Variants in SGCG observed in about 807,000 individuals in gnomAD.
The protein encoded by SGCG is sarcoglycan gamma, also known as gamma-sarcoglycan.
In SGCG, 26 loss-of-function variants were observed where a neutral mutation model predicts 29.3. The ratio of observed to expected loss-of-function variants is 0.89; its 90% CI spans 0.65 to 1.23. The LOEUF (loss-of-function observed/expected upper bound fraction) is 1.23. Among genes scored for constraint, SGCG ranks in the 50% most tolerant of loss-of-function variants. SGCG has a pLI of 0.00. For synonymous variants in SGCG, 145 were observed against 129.7 expected (o/e 1.12, Z -0.80); for missense variants, 353 against 356.0 (o/e 0.99, Z 0.07).
intron 6 of SGCG, among the ~76,000 whole-genome samples, chr13:23,319,713 C>A (rs1232536036): frequency 6.6e-6 from 1 of 152,138 alleles, no homozygotes; most frequent in Non-Finnish European, 1.5e-5. Context: ...AATTAGGTAT[C>A]TTTTTCTGTT....
Position 23,203,793 on chromosome 13 carries a change from G to T in SGCG, c.99G>T (p.Lys33Asn). 1 of 1,613,872 alleles carries T rather than the reference G, an allele frequency of 6.2e-7. No homozygotes were observed. Among genetic ancestry groups the T allele is most frequent in the Non-Finnish European group, 8.5e-7 (1 of 1,179,738 alleles). The change falls in exon 2 of 8, where the codon AAG becomes AAT. Residue 33 changes from lysine to asparagine, a missense_variant. By Grantham distance (94) the Lys-to-Asn change is moderately conservative. Transcript: ENST00000218867. ...AAATTGGCATTTATGGCTGGAGAAAGCGCTGTCTCTACTTGTTTGTTCTTC... is the reference window on the plus strand; with the variant it reads ...AAATTGGCATTTATGGCTGGAGAAATCGCTGTCTCTACTTGTTTGTTCTTC... ...VYKIGIYGWR[K>N]RCLYLFVLLL...
intron 6 of SGCG, among the ~76,000 whole-genome samples, chr13:23,303,613 C>T (rs536725557): frequency 6.6e-6 from 1 of 152,146 alleles, no homozygotes; most frequent in Non-Finnish European, 1.5e-5. Context: ...GAAAGAGCTC[C>T]GGAAATCACA....
chr13:23,271,350 C>CA (rs1344372689), intron 4 of SGCG, among the ~76,000 whole-genome samples: 1 of 152,084 alleles, frequency 6.6e-6, no homozygotes, highest in Non-Finnish European at 1.5e-5. Context: ...CCCTGGGCCA[C>CA]ACTGGAAGAA....
intron 2 of SGCG, among the ~76,000 whole-genome samples, chr13:23,226,262 A>G (rs1878891828): frequency 6.6e-6 from 1 of 152,258 alleles, no homozygotes; most frequent in Non-Finnish European, 1.5e-5. Flanking sequence ...CAGTTTGCAA[A>G]TAAAAGAAAA....
At chr13:23,200,877 G>A (rs971477095) in intron 1 of SGCG, among the ~76,000 whole-genome samples, 15 of 152,296 alleles carry the variant, frequency 9.8e-5, no homozygotes, top group East Asian at 7.7e-4. Context: ...ACTCCTGGCC[G>A]AGTAAGACCA....
intron 3 of SGCG, among the ~76,000 whole-genome samples, chr13:23,249,932 T>C (rs1392163210): frequency 1.3e-5 from 2 of 152,200 alleles, no homozygotes; most frequent in Non-Finnish European, 2.9e-5. Flanking sequence ...ATTTTTTTGT[T>C]TAGGTATAAT....
chr13:23,226,722 A>G (rs1448926326), intron 2 of SGCG, among the ~76,000 whole-genome samples: 2 of 152,168 alleles, frequency 1.3e-5, no homozygotes, highest in Non-Finnish European at 2.9e-5. Flanking sequence ...TAGAGACAGA[A>G]AGTAGAATGT....
At chr13:23,261,269 T>C (rs993794507) in intron 4 of SGCG, among the ~76,000 whole-genome samples, 2 of 151,024 alleles carry the variant, frequency 1.3e-5, no homozygotes, top group Admixed American at 6.6e-5. Flanking sequence ...ATTTCAGTTA[T>C]GAGTAAAAAA....
At chr13:23,178,307 C>A (rs1274836882), upstream of SGCG, among the ~76,000 whole-genome samples, 1 of 152,166 alleles carries the variant, frequency 6.6e-6, no homozygotes, top group Non-Finnish European at 1.5e-5. Flanking sequence ...AGAGGGAATC[C>A]ACTGAAGTTA....
intron 6 of SGCG, among the ~76,000 whole-genome samples, chr13:23,316,246 C>G (rs1204127978): frequency 6.6e-6 from 1 of 152,184 alleles, no homozygotes; most frequent in Non-Finnish European, 1.5e-5. Flanking sequence ...TTTGTCCTCA[C>G]TGGAATAGAC....
At chr13:23,264,934 A>G (rs1880581481) in intron 4 of SGCG, among the ~76,000 whole-genome samples, 1 of 152,200 alleles carries the variant, frequency 6.6e-6, no homozygotes, top group Non-Finnish European at 1.5e-5. Flanking sequence ...TTAGCTCTAG[A>G]TGGGTTTAAG....
At chr13:23,270,006 C>A (rs35512394) in intron 4 of SGCG, among the ~76,000 whole-genome samples, 12,854 of 151,854 alleles carry the variant, frequency 0.085, 713 homozygotes, top group South Asian at 0.15. Flanking sequence ...TCCCGAGTAG[C>A]TGGGACTACA....
rs559020733 is a variant in SGCG, at chr13:23,257,222, C to T, written c.385+6505C>T. On this transcript the variant is annotated intron_variant, in intron 4 of 7. Coordinates refer to ENST00000218867, the MANE Select transcript of SGCG (RefSeq NM_000231.3). ...ATATCCTTTGCCCACGTTTTTGATTCGCTTCTTATAAATTTGTTTAAGTTC... is the reference window on the plus strand; with the variant it reads ...ATATCCTTTGCCCACGTTTTTGATTTGCTTCTTATAAATTTGTTTAAGTTC... Among the ~76,000 whole-genome samples the T allele has an allele frequency of 9.9e-5, 15 of 151,558 alleles. No homozygotes were observed. The South Asian group carries it at 2.1e-3, about 21-fold the overall frequency.
At chr13:23,299,448 A>ATTTTTTTTTTTTTT (rs1452293006) in intron 6 of SGCG, among the ~76,000 whole-genome samples, 2 of 11,828 alleles carry the variant, frequency 1.7e-4, no homozygotes, top group Non-Finnish European at 3.9e-4. Flanking sequence ...ATATATATAT[A>ATTTTTTTTTTTTTT]TATATATATT....
chr13:23,187,755 T>G (rs1419504496), intron 1 of SGCG, among the ~76,000 whole-genome samples: 1 of 152,198 alleles, frequency 6.6e-6, no homozygotes, highest in African/African-American at 2.4e-5. Flanking sequence ...GAGGCCTTGG[T>G]GCATCTCACA....
the SGCG span, among the ~76,000 whole-genome samples, chr13:23,168,706 AT>A: frequency 1.1e-4 from 17 of 152,290 alleles, no homozygotes; most frequent in African/African-American, 3.8e-4. Context: ...GCAGACAAAC[AT>A]TTTTTAATAT....
intron 5 of SGCG, among the ~76,000 whole-genome samples, chr13:23,290,767 A>C (rs1305303794): frequency 6.7e-6 from 1 of 150,072 alleles, no homozygotes; most frequent in African/African-American, 2.5e-5. Context: ...GTTGATACAA[A>C]AATGAATGCA....
intron 2 of SGCG, among the ~76,000 whole-genome samples, chr13:23,228,989 GCCC>G (rs1480762594): frequency 6.6e-6 from 1 of 152,150 alleles, no homozygotes; most frequent in African/African-American, 2.4e-5. Context: ...TCCAGCCTCA[GCCC>G]CCGAGTAGCT....
At chr13:23,175,002 C>G in the SGCG span, among the ~76,000 whole-genome samples, 1 of 151,974 alleles carries the variant, frequency 6.6e-6, no homozygotes, top group Non-Finnish European at 1.5e-5. Flanking sequence ...ACAGTGCACT[C>G]AGTTAAAGAG....
Sources: allele counts gnomAD v4.1 joint callset (sites outside exome capture counted in the v4.1 genomes callset), GRCh38; gene constraint gnomAD v4.1.1; transcripts MANE v1.5; gene names NCBI Gene and HGNC (gene_info 2026-07-23, HGNC 2026-07-21).